ALDH16A1: variants seen among roughly 807,000 people sequenced by gnomAD.
ALDH16A1 encodes aldehyde dehydrogenase 16 family member A1, also known as aldehyde dehydrogenase family 16 member A1.
ALDH16A1 carries 88 observed loss-of-function variants against 96.1 expected under a neutral mutation model. The observed-to-expected ratio is 0.92, with a 90% CI of 0.77 to 1.09. The LOEUF (loss-of-function observed/expected upper bound fraction) is 1.09, where lower values mean the gene tolerates loss of function less well. ALDH16A1 is among the 50% of genes least tolerant of loss of function. The pLI is 0.00. For synonymous variants in ALDH16A1, 522 were observed against 496.4 expected (o/e 1.05, Z -0.69); for missense variants, 1,250 against 1,112.6 (o/e 1.12, Z -1.76).
Position 49,468,364 on chromosome 19 carries a change from C to CCCA in ALDH16A1, c.1939-14_1939-12dup. On this transcript the variant is annotated splice_polypyrimidine_tract_variant and intron_variant, in intron 14 of 16. Transcript: ENST00000293350. This position sits in a 1 kb window ranked among gnomAD's most constrained non-coding sequence, Gnocchi z 4.4. ...CGGGGCTCCCCTGCCCCACACGTGACCCACCTGTCCCTGCAGGTAGCCGGG... is the reference window on the plus strand; with the variant it reads ...CGGGGCTCCCCTGCCCCACACGTGACCCACCACCTGTCCCTGCAGGTAGCCGGG... 1 of 1,596,340 alleles carries CCCA rather than the reference C, an allele frequency of 6.3e-7. No homozygotes were observed. Among genetic ancestry groups the CCCA allele is most frequent in the African/African-American group, 1.3e-5 (1 of 74,914 alleles).
intron 2 of ALDH16A1, 146 bp from the exon 3 acceptor site, chr19:49,458,814 C>T (rs2122374350): frequency 2.4e-6 from 3 of 1,243,178 alleles, no homozygotes; most frequent in Non-Finnish European, 3.4e-6. Context: ...GCTTCCTTGC[C>T]CTGGAGGTGA....
rs183310379 is a variant in ALDH16A1, at chr19:49,460,819, C to T, written c.500-3C>T. The stretch of plus-strand genomic sequence containing the variant: ...ATCCTCTTGCCTCATTTTTTTCTTG[C>T]AGGAGTAATTGGCCTCATCCTGCCA... On this transcript the variant is annotated splice_region_variant and splice_polypyrimidine_tract_variant and intron_variant, in intron 4 of 16. Transcript: ENST00000293350. 2 of 1,607,774 alleles carry T rather than the reference C, an allele frequency of 1.2e-6. No individual in the cohort carries two copies. The highest frequency in any genetic ancestry group is 2.2e-5 in the East Asian group (1 of 44,610).
At chr19:49,460,984 A>G in intron 5 of ALDH16A1, 85 bp downstream of exon 5, 1 of 1,407,232 alleles carries the variant, frequency 7.1e-7, no homozygotes, top group Non-Finnish European at 1.0e-6. Context: ...CTGAGAGACA[A>G]GGGGGCTGGA....
At chr19:49,464,019 G>A in intron 9 of ALDH16A1, 70 bp downstream of exon 9, 1 of 1,574,394 alleles carries the variant, frequency 6.4e-7, no homozygotes, top group Non-Finnish European at 8.6e-7. Flanking sequence ...GCCTGGGGAA[G>A]CCCTTGGGGT....
chr19:49,458,397 A>G (rs2079117489), intron 1 of ALDH16A1, 89 bp from the exon 2 acceptor site: 3 of 982,236 alleles, frequency 3.1e-6, no homozygotes, highest in South Asian at 2.8e-5. Flanking sequence ...AGAGGGAGAC[A>G]GACGTCCCCT....
intron 1 of ALDH16A1, among the ~76,000 whole-genome samples, chr19:49,455,230 A>G (rs2079098267): frequency 6.6e-6 from 1 of 151,860 alleles, no homozygotes; most frequent in Admixed American, 6.6e-5. Flanking sequence ...AGCCTGGCCA[A>G]GATGGTGAAA....
At position 49,468,172 on chromosome 19, in the gene ALDH16A1, A is replaced by AC; in HGVS notation, c.1939-209_1939-208insC. 1 of 543,184 alleles carries AC rather than the reference A, an allele frequency of 1.8e-6. No homozygotes were observed. The highest frequency in any genetic ancestry group is 5.0e-4 in the Middle Eastern group (1 of 2,020). The allele number at this position is 543,184 out of a possible 1,614,324, so 33.6% of individuals were successfully genotyped here. A position where few individuals can be genotyped will look rare whatever the true frequency, so the allele number is the denominator to read the frequency against. ...GAGAGTCCGTCTCAAAAAAAAAAAA[A>AC]AAGAAAGGCGGTTATGCAGGATGTT... is the stretch of plus-strand genomic sequence containing the variant. On this transcript the variant is annotated intron_variant, in intron 14 of 16. Coordinates refer to ENST00000293350, the MANE Select transcript of ALDH16A1 (RefSeq NM_153329.4). This position sits in a 1 kb window ranked among gnomAD's most constrained non-coding sequence, Gnocchi z 4.4.
At chr19:49,454,845 G>A (rs547292485) in intron 1 of ALDH16A1, among the ~76,000 whole-genome samples, 71 of 152,260 alleles carry the variant, frequency 4.7e-4, no homozygotes, top group African/African-American at 1.7e-3. Context: ...TGGGCCAGGC[G>A]TGGTGGCTCA....
chr19:49,460,942 A>G, intron 5 of ALDH16A1, 43 bp downstream of exon 5: 1 of 1,591,208 alleles, frequency 6.3e-7, no homozygotes, highest in Non-Finnish European at 8.6e-7. Flanking sequence ...GGTCTGAGAA[A>G]GGAGGGGATC....
chr19:49,459,119 G>A lies in ALDH16A1; in HGVS notation c.320+33G>A, dbSNP rs9941453. On this transcript the variant is annotated intron_variant, in intron 3 of 16. Transcript: ENST00000293350. This position sits in a 1 kb window ranked among gnomAD's most constrained non-coding sequence, Gnocchi z 4.1. ...AGCTGAGGTGTGGACCCCGGGAGGC[G>A]GGGAACCCCAGCATCCACTCGAGAC... 6,456 of 1,593,326 alleles carry A rather than the reference G, an allele frequency of 4.1e-3. 229 individuals are homozygous for A. In the African/African-American group the frequency reaches 0.074, roughly 18 times the overall value.
intron 7 of ALDH16A1, among the ~76,000 whole-genome samples, 196 bp downstream of exon 7, chr19:49,462,232 A>T (rs1330954415): frequency 2.2e-5 from 1 of 46,362 alleles, no homozygotes; most frequent in Non-Finnish European, 4.7e-5. Flanking sequence ...TCCCAGGTTC[A>T]GCCTGGGAGT....
chr19:49,461,805 C>A lies in ALDH16A1; in HGVS notation c.759+5C>A. On this transcript the variant is annotated splice_donor_5th_base_variant and intron_variant, in intron 6 of 16. Transcript: ENST00000293350. ...GCCTTCTGCGGAGCCCCGGAGGTAC[C>A]TTCGGGACAGGGGTCGTGGCGGAAC... The A allele has an allele frequency of 6.2e-7, 1 of 1,610,008 alleles. No homozygotes were observed. Among genetic ancestry groups the A allele is most frequent in the Non-Finnish European group, 8.5e-7 (1 of 1,178,346 alleles).
chr19:49,465,696 T>A, intron 12 of ALDH16A1, 42 bp from the exon 13 acceptor site: 1 of 1,580,644 alleles, frequency 6.3e-7, no homozygotes, highest in South Asian at 1.1e-5. Context: ...TCTGAGCAGA[T>A]TGAGGCCCCA....
intron 1 of ALDH16A1, among the ~76,000 whole-genome samples, chr19:49,453,663 C>T (rs1048153814): frequency 2.0e-5 from 3 of 152,144 alleles, no homozygotes; most frequent in African/African-American, 7.2e-5. Flanking sequence ...TCCTGAACTC[C>T]TCGTAGTGTT....
chr19:49,465,995 C>T lies in ALDH16A1; in HGVS notation c.1737-87C>T, dbSNP rs1256342357. ...AATTGGTGGACTGGGAGGCTGGGCCCCCAGGGTAGGGGCTGTGGACAGAGG... is the reference window on the plus strand; with the variant it reads ...AATTGGTGGACTGGGAGGCTGGGCCTCCAGGGTAGGGGCTGTGGACAGAGG... On this transcript the variant is annotated intron_variant, in intron 13 of 16. Coordinates refer to ENST00000293350, the MANE Select transcript of ALDH16A1 (RefSeq NM_153329.4). The T allele has an allele frequency of 2.6e-6, 4 of 1,542,726 alleles. No homozygotes were observed. In the South Asian group the frequency reaches 3.5e-5, roughly 14 times the overall value.
intron 2 of ALDH16A1, 26 bp downstream of exon 2, chr19:49,458,614 T>C: frequency 6.5e-7 from 1 of 1,548,556 alleles, no homozygotes; most frequent in Non-Finnish European, 8.7e-7. Flanking sequence ...CAGTCATTAG[T>C]GGAAGGGAGG....
Position 49,470,648 on chromosome 19 carries a change from CTTTTT to C in ALDH16A1, c.*195_*199del, listed in dbSNP as rs55713893. 6.3e-4 allele frequency: 216 copies of C among 341,670 alleles called. No individual in the cohort carries two copies. Among genetic ancestry groups the C allele is most frequent in the South Asian group, 1.4e-3 (16 of 11,638 alleles). 21.2% of individuals were successfully genotyped at this position (341,670 alleles called of 1,614,324 possible). Reference sequence around the variant, plus strand: ...CTTCTGGCAGATATGAGGCTTTTTTCTTTTTTTTTTTTTTTTTTGAGACAACGTCT... The same window carrying C: ...CTTCTGGCAGATATGAGGCTTTTTTCTTTTTTTTTTTTTGAGACAACGTCT... On this transcript the variant is annotated 3_prime_UTR_variant, in exon 17 of 17. Coordinates refer to ENST00000293350, the MANE Select transcript of ALDH16A1 (RefSeq NM_153329.4).
chr19:49,458,565 T>C lies in ALDH16A1; in HGVS notation c.170T>C (p.Val57Ala), dbSNP rs781339529. 5.8e-6 allele frequency: 9 copies of C among 1,562,036 alleles called. No homozygotes were observed. Among genetic ancestry groups the C allele is most frequent in the Non-Finnish European group, 6.9e-6 (8 of 1,151,274 alleles). The change falls in exon 2 of 17, where the codon GTG becomes GCG. Residue 57 changes from valine (V) to alanine (A), a missense_variant. Transcript: ENST00000293350. The stretch of plus-strand genomic sequence containing the variant: ...TTAAAGCCTGAACACAGAAATTCAG[T>C]GCCTTGCCAGGATCCCATCACAGGT... ...KWLKPEHRNS[V>A]PCQDPITGEN...
intron 1 of ALDH16A1, among the ~76,000 whole-genome samples, chr19:49,458,135 C>T (rs2079116007): frequency 1.3e-5 from 2 of 151,924 alleles, no homozygotes; most frequent in East Asian, 1.9e-4. Context: ...GGGAGAATAG[C>T]GTGAACCCAG....
Sources: gnomAD v4.1 joint callset for allele counts (sites outside exome capture counted in the v4.1 genomes callset) on GRCh38, gnomAD v4.1.1 for gene constraint, Gnocchi (gnomAD v3.1) non-coding constraint, MANE v1.5 for transcripts, NCBI Gene and HGNC (gene_info 2026-07-23, HGNC 2026-07-21) for gene names.